Variants in TBC1D15 observed in about 807,000 individuals in gnomAD.
TBC1D15 encodes the protein TBC1 domain family member 15.
TBC1D15 carries 39 observed loss-of-function variants against 95.4 expected under a neutral mutation model. The observed-to-expected ratio is 0.41, with a 90% CI of 0.32 to 0.53. The LOEUF is 0.53. Among genes scored for constraint, TBC1D15 ranks in the 20% least tolerant of loss-of-function variants. The pLI is 0.29. For missense variants in TBC1D15, 733 were observed against 794.3 expected (o/e 0.92, Z 0.93); for synonymous variants, 258 against 261.3 (o/e 0.99, Z 0.12).
At chr12:71,861,403 A>T in intron 1 of TBC1D15, 1 of 1,462,916 alleles carries the variant, frequency 6.8e-7, no homozygotes, top group Non-Finnish European at 9.0e-7. Context: ...TGTTTTTTTC[A>T]GGTTTTTGGT....
chr12:71,889,660 CA>C (rs569614883), intron 5 of TBC1D15, among the ~76,000 whole-genome samples: 33 of 152,116 alleles, frequency 2.2e-4, no homozygotes, highest in Non-Finnish European at 3.4e-4. Flanking sequence ...ATTTTAGGTT[CA>C]GGGGTATATG....
Position 71,884,861 on chromosome 12 carries a change from T to G in TBC1D15, c.394T>G (p.Leu132Val), listed in dbSNP as rs1895917081. The change falls in exon 5 of 17, where the codon TTG (leucine) becomes GTG (valine). Residue 132 changes from leucine (L) to valine (V), a missense_variant. By Grantham distance (32) the Leu-to-Val change is conservative. Transcript: ENST00000485960. Reference protein sequence around the residue: ...GKSKWSFLFSLTDLKSIKQNK... With the variant: ...GKSKWSFLFSVTDLKSIKQNK... ...AAGCAAATGGTCATTCCTGTTCAGT[T>G]TGACAGACCTGAAATCAATCAAGCA... 1 of 1,614,042 alleles carries G rather than the reference T, an allele frequency of 6.2e-7. No homozygotes were observed.
At chr12:71,922,004 C>T (rs548022027) in intron 16 of TBC1D15, among the ~76,000 whole-genome samples, 2 of 152,314 alleles carry the variant, frequency 1.3e-5, no homozygotes, top group South Asian at 2.1e-4. Context: ...GCCTTGAACT[C>T]CTGGGCTCAA....
chr12:71,850,396 C>G (rs1368147222), intron 1 of TBC1D15: 5 of 275,068 alleles, frequency 1.8e-5, no homozygotes, highest in Non-Finnish European at 3.5e-5. Flanking sequence ...CCACCCAGCT[C>G]CTTCTGAGCA....
At chr12:71,906,467 A>G (rs189907327) in intron 10 of TBC1D15, among the ~76,000 whole-genome samples, 132 of 152,282 alleles carry the variant, frequency 8.7e-4, no homozygotes, top group African/African-American at 3.1e-3. Flanking sequence ...GTCATTTCCA[A>G]CTTATAATGA....
chr12:71,845,404 A>G (rs1019078555), intron 1 of TBC1D15, among the ~76,000 whole-genome samples: 5 of 152,154 alleles, frequency 3.3e-5, no homozygotes, highest in African/African-American at 1.2e-4. Context: ...GTCAGAGGAG[A>G]AGGTTCGAGG....
intron 1 of TBC1D15, 124 bp downstream of exon 1, chr12:71,839,935 TAGG>T (rs1365738044): frequency 5.6e-6 from 7 of 1,240,418 alleles, no homozygotes; most frequent in African/African-American, 4.5e-5. Context: ...GTGGCGTCTG[TAGG>T]AGAAGACTGG....
chr12:71,909,642 A>G (rs1355894894), intron 11 of TBC1D15, among the ~76,000 whole-genome samples: 1 of 152,190 alleles, frequency 6.6e-6, no homozygotes, highest in Non-Finnish European at 1.5e-5. Flanking sequence ...AAGCTTCAGT[A>G]ACCTGGAAAA....
At chr12:71,897,069 A>G in intron 9 of TBC1D15, 2 of 225,808 alleles carry the variant, frequency 8.9e-6, no homozygotes, top group East Asian at 9.9e-5. Context: ...AACTACGTAG[A>G]CATACACTTA....
chr12:71,879,377 C>T (rs61924146), intron 3 of TBC1D15, among the ~76,000 whole-genome samples: 13,980 of 152,196 alleles, frequency 0.092, 714 homozygotes, highest in South Asian at 0.15. Context: ...TCAGGTGATC[C>T]ACCCGCTTCG....
At chr12:71,858,969 A>AT (rs35114715) in intron 1 of TBC1D15, among the ~76,000 whole-genome samples, 3,464 of 137,270 alleles carry the variant, frequency 0.025, 104 homozygotes, top group African/African-American at 0.066. Context: ...CCTCACCAGC[A>AT]TTTTTTTTTT....
chr12:71,871,469 A>G (rs1258730685), intron 1 of TBC1D15, among the ~76,000 whole-genome samples: 1 of 152,242 alleles, frequency 6.6e-6, no homozygotes, highest in Non-Finnish European at 1.5e-5. Context: ...GGGAATAGTT[A>G]GAAAGGATTG....
chr12:71,906,338 C>T (rs1900706570), intron 10 of TBC1D15, among the ~76,000 whole-genome samples: 1 of 152,142 alleles, frequency 6.6e-6, no homozygotes, highest in Admixed American at 6.5e-5. Context: ...TGGAGAATGC[C>T]TTGTGGTAAA....
At chr12:71,866,521 A>G (rs559088919) in intron 1 of TBC1D15, among the ~76,000 whole-genome samples, 95 of 152,230 alleles carry the variant, frequency 6.2e-4, no homozygotes, top group Non-Finnish European at 9.6e-4. Flanking sequence ...TGGGATCCCA[A>G]TATTTCCTTG....
At chr12:71,876,107 A>T (rs1316167176) in intron 3 of TBC1D15, among the ~76,000 whole-genome samples, 2 of 152,118 alleles carry the variant, frequency 1.3e-5, no homozygotes, top group South Asian at 2.1e-4. Flanking sequence ...AGATTTTATT[A>T]TTTATAAAAT....
At chr12:71,858,354 G>C (rs1339859327) in intron 1 of TBC1D15, among the ~76,000 whole-genome samples, 2 of 152,110 alleles carry the variant, frequency 1.3e-5, no homozygotes, top group Non-Finnish European at 2.9e-5. Flanking sequence ...TTACAGGTGT[G>C]AGCCACCATG....
intron 1 of TBC1D15, among the ~76,000 whole-genome samples, chr12:71,841,731 A>G (rs73351214): frequency 6.6e-6 from 1 of 152,044 alleles, no homozygotes; most frequent in South Asian, 2.1e-4. Flanking sequence ...CTCCTTTTCT[A>G]CAGTCTCTGC....
Position 71,923,232 on chromosome 12 carries a change from A to G in TBC1D15, c.*28A>G. On this transcript the variant is annotated 3_prime_UTR_variant, in exon 17 of 17. Coordinates refer to ENST00000485960, the MANE Select transcript of TBC1D15 (RefSeq NM_001146213.3). ...ACTGTTCTTGCTTTTTTGGGAAGAG[A>G]CACTTTGTTGCAACCCTTTTTCAAG... 1.2e-6 allele frequency: 2 copies of G among 1,604,908 alleles called. No individual in the cohort carries two copies. Among genetic ancestry groups the G allele is most frequent in the South Asian group, 2.2e-5 (2 of 90,670 alleles).
chr12:71,871,739 A>T (rs1892740720), intron 1 of TBC1D15, among the ~76,000 whole-genome samples: 2 of 152,226 alleles, frequency 1.3e-5, no homozygotes, highest in African/African-American at 4.8e-5. Flanking sequence ...GTGCCACTGC[A>T]TCTGGCAAAA....
Sources: allele counts gnomAD v4.1 joint callset (sites outside exome capture counted in the v4.1 genomes callset), GRCh38; gene constraint gnomAD v4.1.1; transcripts MANE v1.5; gene names NCBI Gene and HGNC (gene_info 2026-07-23, HGNC 2026-07-21).